Variants in CEP112 observed in about 807,000 individuals in gnomAD.
CEP112 encodes centrosomal protein 112, also known as centrosomal protein of 112 kDa.
Under a neutral mutation model 153.0 loss-of-function variants are expected in CEP112, and 127 were observed. The observed-to-expected ratio is 0.83, with a 90% CI of 0.72 to 0.96. CEP112 has a LOEUF of 0.96. Ranked by LOEUF, CEP112 falls within the 40% of genes least tolerant of loss-of-function variation. The probability of loss-of-function intolerance (pLI) is 0.00; values close to 1 mark genes in which losing one functional copy is unlikely to be tolerated. For synonymous variants in CEP112, 358 were observed against 374.4 expected, an observed-to-expected ratio of 0.96 and a Z score of 0.51; for missense variants, 1,089 against 1,101.2, an observed-to-expected ratio of 0.99 and a Z score of 0.16.
At chr17:65,950,618 T>C (rs996877982) in intron 18 of CEP112, among the ~76,000 whole-genome samples, 3 of 152,060 alleles carry the variant, frequency 2.0e-5, no homozygotes, top group Non-Finnish European at 4.4e-5. Context: ...ATATCTTTAA[T>C]AGATTTTGTG....
At chr17:65,997,153 G>A (rs1489515314) in intron 17 of CEP112, among the ~76,000 whole-genome samples, 1 of 152,186 alleles carries the variant, frequency 6.6e-6, no homozygotes, top group Non-Finnish European at 1.5e-5. Flanking sequence ...GAAGGTTGCA[G>A]TGAGCCGAGA....
intron 17 of CEP112, among the ~76,000 whole-genome samples, chr17:65,969,407 T>A (rs1568309592): frequency 6.6e-6 from 1 of 152,210 alleles, no homozygotes; most frequent in South Asian, 2.1e-4. Context: ...CACATGCATA[T>A]CACATACAAG....
chr17:65,760,811 T>C (rs1364270767), intron 21 of CEP112, among the ~76,000 whole-genome samples: 1 of 152,130 alleles, frequency 6.6e-6, no homozygotes, highest in Non-Finnish European at 1.5e-5. Flanking sequence ...AAAGAGATTG[T>C]AGAGGATTGG....
intron 7 of CEP112, 88 bp from the exon 8 acceptor site, chr17:66,096,416 G>A (rs1386812185): frequency 7.7e-6 from 10 of 1,295,586 alleles, no homozygotes; most frequent in East Asian, 4.6e-5. Context: ...CCTGAGGCCC[G>A]TACCAAAATA....
chr17:65,877,178 T>C (rs2058861357), intron 20 of CEP112, among the ~76,000 whole-genome samples: 1 of 152,208 alleles, frequency 6.6e-6, no homozygotes, highest in Non-Finnish European at 1.5e-5. Flanking sequence ...TAATCCAGTT[T>C]TCCCACCTTG....
intron 18 of CEP112, among the ~76,000 whole-genome samples, chr17:65,937,860 G>A (rs1258770234): frequency 5.6e-5 from 6 of 107,738 alleles, no homozygotes; most frequent in Admixed American, 2.4e-4. Context: ...CTGCCCGGCC[G>A]CCCCTACTGG....
At chr17:65,905,944 CA>C (rs773446028) in intron 19 of CEP112, among the ~76,000 whole-genome samples, 157 of 134,682 alleles carry the variant, frequency 1.2e-3, no homozygotes, top group Middle Eastern at 4.1e-3. Context: ...GACTCCGTCT[CA>C]AAAAAAAAAA....
intron 12 of CEP112, chr17:66,043,085 T>A (rs2066053708): frequency 1.0e-6 from 1 of 981,916 alleles, no homozygotes. Flanking sequence ...AGGTAAAGGA[T>A]CTTAACCTAC....
chr17:65,961,009 T>TA (rs34186038), intron 18 of CEP112, among the ~76,000 whole-genome samples: 61,616 of 146,298 alleles, frequency 0.42, 13,722 homozygotes, highest in East Asian at 0.86. Flanking sequence ...CTTTAAAAAC[T>TA]AAAAAAAAAA....
intron 17 of CEP112, among the ~76,000 whole-genome samples, chr17:65,968,174 G>A (rs998425624): frequency 2.0e-5 from 3 of 152,022 alleles, no homozygotes; most frequent in African/African-American, 7.2e-5. Flanking sequence ...ACCACTTCTT[G>A]TTATTAGGAG....
chr17:65,641,248 C>G (rs1379552251), intron 24 of CEP112, among the ~76,000 whole-genome samples, 183 bp from the exon 25 acceptor site: 1 of 152,202 alleles, frequency 6.6e-6, no homozygotes, highest in Non-Finnish European at 1.5e-5. Context: ...CAGTCTGACC[C>G]TGTGACTCTG....
At chr17:65,849,154 T>C (rs1159618248) in intron 21 of CEP112, among the ~76,000 whole-genome samples, 1 of 152,218 alleles carries the variant, frequency 6.6e-6, no homozygotes. Flanking sequence ...TCAACCTCTA[T>C]GTCATGGAAA....
At chr17:65,964,046 G>T (rs1340482458) in intron 17 of CEP112, among the ~76,000 whole-genome samples, 1 of 152,208 alleles carries the variant, frequency 6.6e-6, no homozygotes, top group Non-Finnish European at 1.5e-5. Context: ...CAGGTCATGA[G>T]GCATGCCACA....
intron 17 of CEP112, among the ~76,000 whole-genome samples, chr17:65,994,827 T>C (rs781772040): frequency 2.6e-5 from 4 of 152,138 alleles, no homozygotes; most frequent in Non-Finnish European, 5.9e-5. Context: ...AAGTGATCAT[T>C]TGGGGCAGTT....
intron 17 of CEP112, among the ~76,000 whole-genome samples, chr17:65,985,639 G>A (rs950230535): frequency 1.1e-4 from 17 of 152,126 alleles, no homozygotes; most frequent in African/African-American, 2.7e-4. Flanking sequence ...TCAAAGAACC[G>A]TTCATGACAA....
intron 20 of CEP112, among the ~76,000 whole-genome samples, chr17:65,901,650 C>T (rs1289723632): frequency 3.3e-5 from 5 of 151,972 alleles, no homozygotes; most frequent in African/African-American, 4.8e-5. Context: ...GGAAATAGCC[C>T]TTCTCTGGAG....
chr17:66,031,482 T>TG (rs1171824784), intron 12 of CEP112, among the ~76,000 whole-genome samples: 19 of 24,244 alleles, frequency 7.8e-4, no homozygotes, highest in Middle Eastern at 0.025. Context: ...TGTTTTTTTT[T>TG]TTTGTTTTTT....
intron 23 of CEP112, among the ~76,000 whole-genome samples, chr17:65,731,776 T>A (rs1266211482): frequency 6.6e-6 from 1 of 152,196 alleles, no homozygotes; most frequent in Non-Finnish European, 1.5e-5. Context: ...TTAGATTCCA[T>A]CTCAAGAAAA....
In CEP112 at chr17:65,950,096, A is replaced by G. The variant is rs548981974; in HGVS notation, c.1872+11367T>C. Among the ~76,000 whole-genome samples the G allele has an allele frequency of 1.2e-4, 18 of 152,280 alleles. No individual in the cohort carries two copies. The South Asian group carries it at 3.5e-3, about 30-fold the overall frequency. ...ACACAGTGTTAAAATGATCCTTCAA[A>G]AAGGTTATACAACTTTACATGCCCA... On this transcript the variant is annotated intron_variant, in intron 18 of 26. Transcript: ENST00000535342.
Sources: gnomAD v4.1 joint callset for allele counts (sites outside exome capture counted in the v4.1 genomes callset) on GRCh38, gnomAD v4.1.1 for gene constraint, MANE v1.5 for transcripts, NCBI Gene and HGNC (gene_info 2026-07-23, HGNC 2026-07-21) for gene names.